Variants in MLPH observed in about 807,000 individuals in gnomAD.
The protein encoded by MLPH is melanophilin.
Under a neutral mutation model 72.1 loss-of-function variants are expected in MLPH, and 51 were observed. The ratio of observed to expected loss-of-function variants is 0.71; its 90% CI spans 0.56 to 0.89. The LOEUF is 0.89. MLPH is among the 40% of genes least tolerant of loss of function. The pLI, the probability that MLPH is intolerant of heterozygous loss-of-function variation, is 0.00. For synonymous variants in MLPH, 301 were observed against 310.1 expected, an observed-to-expected ratio of 0.97 and a Z score of 0.31; for missense variants, 743 against 759.9, an observed-to-expected ratio of 0.98 and a Z score of 0.26.
chr2:237,506,929 C>T (rs1300679348), intron 2 of MLPH, among the ~76,000 whole-genome samples: 5 of 152,024 alleles, frequency 3.3e-5, no homozygotes, highest in Admixed American at 3.3e-4. Flanking sequence ...AAAATCTAGG[C>T]TCATACAGAT....
Position 237,545,343 on chromosome 2 carries a change from C to T in MLPH, c.1540-1263C>T, listed in dbSNP as rs141766821. On this transcript the variant is annotated intron_variant, in intron 12 of 15. Coordinates refer to ENST00000264605, the MANE Select transcript of MLPH (RefSeq NM_024101.7). ...GGGCCTGACAGCAGGATCCTGGGCC[C>T]CCCACCTCCCTTCCCGTGAACATCC... 7.8e-3 allele frequency: 6,944 copies of T among 886,590 alleles called. 34 individuals are homozygous for T. The highest frequency in any genetic ancestry group is 9.0e-3 in the Non-Finnish European group (5,860 of 650,274). 54.9% of individuals were successfully genotyped at this position (886,590 alleles called of 1,614,324 possible). A position where few individuals can be genotyped will look rare whatever the true frequency, so the allele number is the denominator to read the frequency against.
intron 5 of MLPH, among the ~76,000 whole-genome samples, chr2:237,518,893 C>G (rs537555429): frequency 1.0e-3 from 154 of 152,290 alleles, no homozygotes; most frequent in Non-Finnish European, 1.9e-3. Flanking sequence ...ATGGGCAAAG[C>G]CTACTGAGTG....
chr2:237,494,596 T>C lies in MLPH; in HGVS notation c.110+1060T>C, dbSNP rs1054929702. ...CCAGCAAGCTTGACCAGAGATCAGA[T>C]GGGGGGTCTCCAGGGTGAGAGGGAT... On this transcript the variant is annotated intron_variant, in intron 2 of 15. Coordinates refer to ENST00000264605, the MANE Select transcript of MLPH (RefSeq NM_024101.7). 2.0e-5 allele frequency among the ~76,000 whole-genome samples: 3 copies of C among 151,372 alleles called. No individual in the cohort carries two copies. The East Asian group carries it at 5.9e-4, about 30-fold the overall frequency.
At chr2:237,493,591 G>A (rs2079473355) in intron 2 of MLPH, 55 bp downstream of exon 2, 3 of 1,358,208 alleles carry the variant, frequency 2.2e-6, no homozygotes, top group South Asian at 1.2e-5. Context: ...TTCCCCCAGG[G>A]CCATCATATG....
chr2:237,548,667 G>C (rs1270791428), intron 13 of MLPH, among the ~76,000 whole-genome samples: 1 of 152,186 alleles, frequency 6.6e-6, no homozygotes, highest in East Asian at 1.9e-4. Context: ...AGGAGATCGA[G>C]ACCATTCTGG....
rs1442813697 is a variant in MLPH, at chr2:237,540,389, G to C, written c.1146G>C (p.Glu382Asp). 1.2e-6 allele frequency: 2 copies of C among 1,613,674 alleles called. No individual in the cohort carries two copies. Among genetic ancestry groups the C allele is most frequent in the Non-Finnish European group, 1.7e-6 (2 of 1,180,020 alleles). ...TGCGCACGGAGGCCGATGTAGAGGA[G>C]GAGGCCCTGAGGAGGAAGCTGGAGG... ...AGVRTEADVE[E>D]EALRRKLEEL... Residue 382 changes from glutamate (E) to aspartate (D), a missense_variant, in exon 10 of 16, where the codon GAG (glutamate) becomes GAC (aspartate). By Grantham distance (45) the Glu-to-Asp change is conservative. Transcript: ENST00000264605.
intron 4 of MLPH, among the ~76,000 whole-genome samples, chr2:237,515,271 G>A (rs553533679): frequency 6.5e-4 from 99 of 152,316 alleles, no homozygotes; most frequent in African/African-American, 2.3e-3. Context: ...GGAGGCTTTG[G>A]AAGATGCGTC....
intron 15 of MLPH, among the ~76,000 whole-genome samples, 164 bp from the exon 16 acceptor site, chr2:237,553,402 G>C (rs989365135): frequency 2.0e-5 from 3 of 152,218 alleles, no homozygotes; most frequent in East Asian, 3.8e-4. Flanking sequence ...CTATTCTCTT[G>C]CCTCACATGC....
intron 6 of MLPH, among the ~76,000 whole-genome samples, chr2:237,520,287 TG>T (rs1264999315): frequency 6.6e-6 from 1 of 151,976 alleles, no homozygotes; most frequent in Non-Finnish European, 1.5e-5. Context: ...GCCCTGAGAC[TG>T]GACAGATGAG....
chr2:237,521,094 C>T (rs1034342416), intron 6 of MLPH, among the ~76,000 whole-genome samples: 1 of 152,128 alleles, frequency 6.6e-6, no homozygotes, highest in African/African-American at 2.4e-5. Flanking sequence ...GATGAGGAAT[C>T]CAGCAAAGAT....
intron 11 of MLPH, 65 bp from the exon 12 acceptor site, chr2:237,542,502 C>T: frequency 7.5e-7 from 1 of 1,341,230 alleles, no homozygotes; most frequent in Admixed American, 2.0e-5. Flanking sequence ...TCTTTCTGTC[C>T]ATGACTTTGA....
At chr2:237,551,153 A>G (rs540565264) in intron 14 of MLPH, among the ~76,000 whole-genome samples, 10,320 of 152,228 alleles carry the variant, frequency 0.068, 1,164 homozygotes, top group African/African-American at 0.24. Flanking sequence ...TGGGCCTCCA[A>G]TCCCGGGGTC....
Position 237,527,408 on chromosome 2 carries a change from C to T in MLPH, c.912C>T (p.Pro304=). The change falls in exon 8 of 16, where the codon CCC becomes CCT. Residue 304 remains proline, a synonymous_variant. Coordinates refer to ENST00000264605, the MANE Select transcript of MLPH (RefSeq NM_024101.7). ...ATGTCATCAGGAATGAGCAGCTGCC[C>T]CTGCAGTACTTGGCCGATGTGGACA... ...GSNVIRNEQL[P]LQYLADVDTS... is the part of the protein sequence containing the mutation. The T allele has an allele frequency of 6.2e-7, 1 of 1,614,204 alleles. No homozygotes were observed.
chr2:237,536,560 C>A (rs532330273), intron 9 of MLPH, among the ~76,000 whole-genome samples: 2 of 152,312 alleles, frequency 1.3e-5, no homozygotes, highest in East Asian at 3.9e-4. Flanking sequence ...TCTGGAAGGG[C>A]CCCTGCCTGC....
chr2:237,518,209 T>G, intron 4 of MLPH: 1 of 413,918 alleles, frequency 2.4e-6, no homozygotes, highest in Non-Finnish European at 4.6e-6. Context: ...GATGAATAGA[T>G]GGGTGGAGGA....
chr2:237,530,328 C>T (rs1278518067), intron 8 of MLPH, among the ~76,000 whole-genome samples: 1 of 152,216 alleles, frequency 6.6e-6, no homozygotes, highest in African/African-American at 2.4e-5. Flanking sequence ...GTGAGGGGCT[C>T]CTCCGACATC....
chr2:237,531,459 C>G (rs192191456), intron 8 of MLPH, among the ~76,000 whole-genome samples: 47 of 152,306 alleles, frequency 3.1e-4, no homozygotes, highest in African/African-American at 1.1e-3. Flanking sequence ...CTGAAGACAA[C>G]AGGATGAAGA....
intron 2 of MLPH, among the ~76,000 whole-genome samples, chr2:237,495,929 C>A (rs977381507): frequency 1.3e-5 from 2 of 152,220 alleles, no homozygotes; most frequent in Admixed American, 6.5e-5. Flanking sequence ...GTCCTCACCC[C>A]TCCACTCTTG....
At chr2:237,539,141 T>TG (rs1276569706) in intron 9 of MLPH, among the ~76,000 whole-genome samples, 10 of 134,494 alleles carry the variant, frequency 7.4e-5, no homozygotes, top group Non-Finnish European at 9.5e-5. Flanking sequence ...CCTTTTACTA[T>TG]GGGGGGGCGG....
Sources: gnomAD v4.1 joint callset for allele counts (sites outside exome capture counted in the v4.1 genomes callset) on GRCh38, gnomAD v4.1.1 for gene constraint, MANE v1.5 for transcripts, NCBI Gene and HGNC (gene_info 2026-07-23, HGNC 2026-07-21) for gene names.